AGPAT3: variants seen among roughly 807,000 people sequenced by gnomAD.
AGPAT3 encodes 1-acylglycerol-3-phosphate O-acyltransferase 3.
AGPAT3 carries 5 observed loss-of-function variants against 47.3 expected under a neutral mutation model. The observed-to-expected ratio is 0.11, with a 90% CI of 0.06 to 0.22. AGPAT3 has a LOEUF of 0.22. Ranked by LOEUF, AGPAT3 falls within the 10% of genes least tolerant of loss-of-function variation. AGPAT3 has a pLI of 1.00. For synonymous variants in AGPAT3, 212 were observed against 208.3 expected (o/e 1.02, Z -0.15); for missense variants, 315 against 493.0 (o/e 0.64, Z 3.42).
chr21:43,960,252 C>A (rs1381727109), intron 3 of AGPAT3, among the ~76,000 whole-genome samples: 23 of 152,228 alleles, frequency 1.5e-4, no homozygotes, highest in Admixed American at 1.0e-3. Context: ...CAGCATGCAT[C>A]CCTGAAAGAA....
At chr21:43,975,329 CGTGTGGTATGTTCTGGT>C (rs1241464038) in intron 7 of AGPAT3, among the ~76,000 whole-genome samples, 16 of 141,436 alleles carry the variant, frequency 1.1e-4, no homozygotes, top group Non-Finnish European at 1.5e-5. Flanking sequence ...CGTGTGCTGG[CGTGTGGTATGTTCTGGT>C]GTGTGCTGGC....
Position 43,970,827 on chromosome 21 carries a change from G to C in AGPAT3, c.664+21G>C. 6.6e-7 allele frequency: 1 copy of C among 1,513,980 alleles called. No individual in the cohort carries two copies. Among genetic ancestry groups the C allele is most frequent in the Non-Finnish European group, 8.9e-7 (1 of 1,127,968 alleles). The allele number at this position is 1,513,980 out of a possible 1,614,324, so 93.8% of individuals were successfully genotyped here. ...GACAGGTAGGCCCCAGACTGCCCGAGCCGGGGCCACCGCTATGCTCACGGA... is the reference window on the plus strand; with the variant it reads ...GACAGGTAGGCCCCAGACTGCCCGACCCGGGGCCACCGCTATGCTCACGGA... On this transcript the variant is annotated intron_variant, in intron 6 of 9. Transcript: ENST00000291572. This position sits in a 1 kb window ranked among gnomAD's most constrained non-coding sequence, Gnocchi z 5.8.
chr21:43,916,699 T>C (rs1247166719), intron 2 of AGPAT3, among the ~76,000 whole-genome samples: 1 of 152,190 alleles, frequency 6.6e-6, no homozygotes, highest in African/African-American at 2.4e-5. Flanking sequence ...GATTGGAGGC[T>C]TTTTGTATCG....
At chr21:43,963,769 A>G (rs1472925881) in intron 3 of AGPAT3, among the ~76,000 whole-genome samples, 1 of 151,384 alleles carries the variant, frequency 6.6e-6, no homozygotes. Flanking sequence ...GGAAAGCTGG[A>G]GAACCACGCT....
chr21:43,958,786 C>T (rs2088629252), intron 2 of AGPAT3, among the ~76,000 whole-genome samples: 1 of 103,306 alleles, frequency 9.7e-6, no homozygotes, highest in Non-Finnish European at 1.9e-5. Context: ...GTGTGTGTGG[C>T]ATATGTGTGG....
intron 1 of AGPAT3, among the ~76,000 whole-genome samples, chr21:43,896,107 C>T (rs1029155065): frequency 1.3e-5 from 2 of 151,914 alleles, no homozygotes; most frequent in Admixed American, 6.6e-5. Flanking sequence ...TTTCACCATG[C>T]TGGCCAGGCT....
chr21:43,904,088 GTGTGTGTGTGTGTGTA>G (rs754733054), intron 2 of AGPAT3, 69 bp downstream of exon 2: 2 of 143,380 alleles, frequency 1.4e-5, no homozygotes, highest in Non-Finnish European at 3.0e-5. Context: ...GTGTGTGTGT[GTGTGTGTGTGTGTGTA>G]TGTGTCCAGT....
At chr21:43,877,833 C>T (rs181119548) in intron 1 of AGPAT3, among the ~76,000 whole-genome samples, 2 of 152,272 alleles carry the variant, frequency 1.3e-5, no homozygotes, top group African/African-American at 4.8e-5. Flanking sequence ...CTTGTCCCCT[C>T]TATCTTCTGT....
chr21:43,928,634 G>A (rs950893031), intron 2 of AGPAT3, among the ~76,000 whole-genome samples: 8 of 152,210 alleles, frequency 5.3e-5, no homozygotes, highest in African/African-American at 1.2e-4. Context: ...TTTAGTAATC[G>A]TGATAATTGT....
chr21:43,895,318 A>T (rs1289785758), intron 1 of AGPAT3, among the ~76,000 whole-genome samples: 1 of 151,890 alleles, frequency 6.6e-6, no homozygotes, highest in Non-Finnish European at 1.5e-5. Context: ...CATGTTGCCC[A>T]GGCTGGTCTC....
chr21:43,964,159 C>T (rs866472183), intron 3 of AGPAT3, among the ~76,000 whole-genome samples: 22 of 149,456 alleles, frequency 1.5e-4, no homozygotes, highest in South Asian at 4.5e-4. Context: ...CCAAGGTGGG[C>T]GGATCACCTG....
chr21:43,912,395 C>T (rs369873170), intron 2 of AGPAT3, among the ~76,000 whole-genome samples: 46 of 152,354 alleles, frequency 3.0e-4, no homozygotes, highest in African/African-American at 9.1e-4. Flanking sequence ...GCAGACCTAG[C>T]GAGGATGGCA....
intron 2 of AGPAT3, among the ~76,000 whole-genome samples, chr21:43,936,733 G>A (rs1162815778): frequency 6.6e-6 from 1 of 152,204 alleles, no homozygotes; most frequent in Non-Finnish European, 1.5e-5. Context: ...GGATGGAGGC[G>A]CAGAGGCCTA....
intron 2 of AGPAT3, among the ~76,000 whole-genome samples, chr21:43,957,490 G>A (rs902329909): frequency 7.3e-5 from 11 of 150,918 alleles, no homozygotes; most frequent in African/African-American, 1.5e-4. Flanking sequence ...GGGGGGTCTC[G>A]GGTTTCCCCT....
chr21:43,938,697 A>C (rs2087534882), intron 2 of AGPAT3, among the ~76,000 whole-genome samples: 1 of 152,200 alleles, frequency 6.6e-6, no homozygotes, highest in Non-Finnish European at 1.5e-5. Flanking sequence ...TGGTTGCCTT[A>C]CCGTGTTTGT....
rs542544502 is a variant in AGPAT3, at chr21:43,880,881, C to A, written c.-112+15536C>A. On this transcript the variant is annotated intron_variant, in intron 1 of 9. Coordinates refer to ENST00000291572, the MANE Select transcript of AGPAT3 (RefSeq NM_020132.5). The surrounding 1 kb of genome is among the most constrained non-coding windows in gnomAD (Gnocchi z 4.5). ...GGTGAATTGGACACGTGACAGGTGGCAATATGTTAACTGTTCGTAGCAAGG... is the reference window on the plus strand; with the variant it reads ...GGTGAATTGGACACGTGACAGGTGGAAATATGTTAACTGTTCGTAGCAAGG... Among the ~76,000 whole-genome samples, 2 of 152,006 alleles carry A rather than the reference C, an allele frequency of 1.3e-5. No individual in the cohort carries two copies. The highest frequency in any genetic ancestry group is 3.9e-4 in the East Asian group (2 of 5,170).
intron 2 of AGPAT3, among the ~76,000 whole-genome samples, chr21:43,940,778 C>T (rs2146363840): frequency 6.6e-6 from 1 of 152,352 alleles, no homozygotes; most frequent in East Asian, 1.9e-4. Flanking sequence ...ACACCCATTG[C>T]CTGATGGGCT....
At position 43,880,929 on chromosome 21, in the gene AGPAT3, G is replaced by A. The variant is rs1487280369; in HGVS notation, c.-112+15584G>A. On this transcript the variant is annotated intron_variant, in intron 1 of 9. Coordinates refer to ENST00000291572, the MANE Select transcript of AGPAT3 (RefSeq NM_020132.5). This position sits in a 1 kb window ranked among gnomAD's most constrained non-coding sequence, Gnocchi z 4.5. The stretch of plus-strand genomic sequence containing the variant: ...AGGAAGATTTGTTTTCAGGCTGGTG[G>A]TTTGATTACAAGTTGGTCATTCTTA... 1.3e-5 allele frequency among the ~76,000 whole-genome samples: 2 copies of A among 150,970 alleles called. No homozygotes were observed. Among genetic ancestry groups the A allele is most frequent in the Admixed American group, 1.3e-4 (2 of 14,942 alleles).
chr21:43,921,011 G>A (rs2086879991), intron 2 of AGPAT3, among the ~76,000 whole-genome samples: 2 of 152,164 alleles, frequency 1.3e-5, no homozygotes, highest in Admixed American at 6.5e-5. Flanking sequence ...TACTCAGCAG[G>A]CTGAGGCAGG....
Sources: allele counts gnomAD v4.1 joint callset (sites outside exome capture counted in the v4.1 genomes callset), GRCh38; gene constraint gnomAD v4.1.1; non-coding constraint Gnocchi (gnomAD v3.1); transcripts MANE v1.5; gene names NCBI Gene and HGNC (gene_info 2026-07-23, HGNC 2026-07-21).